The following NAALADL2 variants were observed in gnomAD, a reference collection of about 807,000 sequenced individuals.
NAALADL2 encodes N-acetylated alpha-linked acidic dipeptidase like 2.
Under a neutral mutation model 87.2 loss-of-function variants are expected in NAALADL2, and 76 were observed. That is an observed-to-expected ratio of 0.87 (90% CI 0.72 to 1.05). The LOEUF is 1.05. Ranked by LOEUF, NAALADL2 falls within the 50% of genes least tolerant of loss-of-function variation. The pLI, the probability that NAALADL2 is intolerant of heterozygous loss-of-function variation, is 0.00. For missense variants in NAALADL2, 1,089 were observed against 945.8 expected (o/e 1.15, Z -1.99); for synonymous variants, 354 against 331.0 (o/e 1.07, Z -0.75).
chr3:174,700,233 T>C (rs1471254607), intron 2 of NAALADL2, among the ~76,000 whole-genome samples: 1 of 151,226 alleles, frequency 6.6e-6, no homozygotes, highest in Non-Finnish European at 1.5e-5. Flanking sequence ...GCCACAGTTT[T>C]TTTTTTTTTT....
chr3:175,317,273 A>G (rs1480299848), intron 4 of NAALADL2, among the ~76,000 whole-genome samples: 1 of 152,050 alleles, frequency 6.6e-6, no homozygotes, highest in Non-Finnish European at 1.5e-5. Context: ...TGAACAGTCA[A>G]ATAGTTATTG....
chr3:175,730,417 T>TATATATATATATATATAG (rs1743550057), intron 11 of NAALADL2, among the ~76,000 whole-genome samples: 1 of 96,610 alleles, frequency 1.0e-5, no homozygotes, highest in Non-Finnish European at 2.2e-5. Flanking sequence ...TATATATATA[T>TATATATATATATATATAG]ATATATATAT....
At chr3:175,093,416 T>TATATATATATATATATATATATATATA (rs1489640629) in intron 1 of NAALADL2, among the ~76,000 whole-genome samples, 4 of 139,522 alleles carry the variant, frequency 2.9e-5, no homozygotes, top group African/African-American at 1.1e-4. Context: ...TTTTATTTTT[T>TATATATATATATATATATATATATATA]TATATATATA....
intron 1 of NAALADL2, among the ~76,000 whole-genome samples, chr3:174,930,141 A>C (rs1736649517): frequency 6.6e-6 from 1 of 152,172 alleles, no homozygotes; most frequent in Non-Finnish European, 1.5e-5. Flanking sequence ...ATAATGTAAA[A>C]AGAAACTGAC....
At chr3:175,802,734 ACTG>A (rs1754330368) in intron 13 of NAALADL2, among the ~76,000 whole-genome samples, 3 of 150,424 alleles carry the variant, frequency 2.0e-5, no homozygotes, top group East Asian at 2.0e-4. Context: ...TTCTATCAAA[ACTG>A]CTTTTTTTTG....
chr3:174,968,319 A>G (rs1444297079), intron 1 of NAALADL2, among the ~76,000 whole-genome samples: 1 of 152,148 alleles, frequency 6.6e-6, no homozygotes, highest in Non-Finnish European at 1.5e-5. Flanking sequence ...GGCTTTCTGT[A>G]TCTCATTTTC....
intron 2 of NAALADL2, among the ~76,000 whole-genome samples, chr3:175,209,616 A>T (rs909289046): frequency 6.6e-6 from 1 of 151,994 alleles, no homozygotes; most frequent in Non-Finnish European, 1.5e-5. Context: ...TGATCAACAA[A>T]AGATTAAGTA....
chr3:174,897,888 C>T (rs945446924), intron 1 of NAALADL2, among the ~76,000 whole-genome samples: 3 of 148,274 alleles, frequency 2.0e-5, no homozygotes, highest in South Asian at 2.1e-4. Flanking sequence ...CCGAGGCGGG[C>T]GGATCACGAG....
chr3:174,867,187 G>T, intron 1 of NAALADL2, among the ~76,000 whole-genome samples: 1 of 151,730 alleles, frequency 6.6e-6, no homozygotes, highest in East Asian at 1.9e-4. Flanking sequence ...TAGTAAATTG[G>T]GTACTAATTT....
intron 11 of NAALADL2, among the ~76,000 whole-genome samples, chr3:175,672,504 G>A (rs535979789): frequency 6.6e-6 from 1 of 152,126 alleles, no homozygotes; most frequent in East Asian, 1.9e-4. Flanking sequence ...GTTTTGTTTG[G>A]TTTGTTTTTG....
intron 5 of NAALADL2, among the ~76,000 whole-genome samples, chr3:175,342,903 A>G (rs1450901675): frequency 5.9e-5 from 9 of 152,120 alleles, no homozygotes; most frequent in South Asian, 2.1e-4. Context: ...GTCTAATACA[A>G]TATGGTACCA....
chr3:174,449,458 T>TA, intron 1 of NAALADL2, among the ~76,000 whole-genome samples: 5 of 152,342 alleles, frequency 3.3e-5, no homozygotes, highest in Middle Eastern at 6.8e-3. Context: ...TTATTTTATT[T>TA]AACCAATATG....
intron 13 of NAALADL2, among the ~76,000 whole-genome samples, chr3:175,788,929 A>G (rs1752443024): frequency 6.6e-6 from 1 of 152,182 alleles, no homozygotes; most frequent in Admixed American, 6.5e-5. Context: ...ACATCTCTAA[A>G]TTATCTCTTT....
intron 1 of NAALADL2, among the ~76,000 whole-genome samples, chr3:174,544,315 ATG>A (rs1309279826): frequency 7.2e-5 from 11 of 152,088 alleles, no homozygotes; most frequent in African/African-American, 2.4e-4. Context: ...GTTATATCAC[ATG>A]TGTTTGTTAA....
intron 2 of NAALADL2, among the ~76,000 whole-genome samples, chr3:175,124,124 T>C (rs1726564534): frequency 6.6e-6 from 1 of 152,000 alleles, no homozygotes; most frequent in Non-Finnish European, 1.5e-5. Context: ...TTTAAATATT[T>C]GACTTCTTCT....
chr3:174,907,054 G>A (rs577752938), intron 1 of NAALADL2, among the ~76,000 whole-genome samples: 2 of 151,978 alleles, frequency 1.3e-5, no homozygotes, highest in South Asian at 2.1e-4. Context: ...AGTAAATCAG[G>A]CCTCCCCTAG....
At chr3:174,711,222 T>A (rs1296833629) in intron 2 of NAALADL2, among the ~76,000 whole-genome samples, 2 of 152,172 alleles carry the variant, frequency 1.3e-5, no homozygotes, top group Admixed American at 1.3e-4. Flanking sequence ...CCTTGATGAT[T>A]CAGACTGGTC....
At chr3:174,682,670 G>C (rs1727658892) in intron 2 of NAALADL2, among the ~76,000 whole-genome samples, 1 of 152,198 alleles carries the variant, frequency 6.6e-6, no homozygotes, top group Non-Finnish European at 1.5e-5. Flanking sequence ...GTCTGCAAGA[G>C]CTACAGCATT....
chr3:175,794,252 A>T (rs189710928), intron 13 of NAALADL2, among the ~76,000 whole-genome samples: 1 of 152,320 alleles, frequency 6.6e-6, no homozygotes, highest in East Asian at 1.9e-4. Flanking sequence ...ACTAAGAGAT[A>T]ATGAGTTCCA....
Sources: gnomAD v4.1 joint callset for allele counts (sites outside exome capture counted in the v4.1 genomes callset) on GRCh38, gnomAD v4.1.1 for gene constraint, MANE v1.5 for transcripts, NCBI Gene and HGNC (gene_info 2026-07-23, HGNC 2026-07-21) for gene names.